Variants in DRC8 observed in about 807,000 individuals in gnomAD.
DRC8 encodes the protein dynein regulatory complex protein 8.
At chr1:244,970,426 A>G in the DRC8 span, 1 of 1,537,732 alleles carries the variant, frequency 6.5e-7, no homozygotes, top group Non-Finnish European at 8.7e-7. Flanking sequence ...AAGATGGCGG[A>G]CGAGAAGGAC....
chr1:245,063,965 C>A, the DRC8 span, among the ~76,000 whole-genome samples: 14 of 152,122 alleles, frequency 9.2e-5, no homozygotes, highest in African/African-American at 3.4e-4. Context: ...TCAGGTGATC[C>A]GCCCTCCTCG....
chr1:245,077,414 T>G, the DRC8 span, among the ~76,000 whole-genome samples: 5 of 152,214 alleles, frequency 3.3e-5, no homozygotes, highest in African/African-American at 1.2e-4. Context: ...ATGACAAGTG[T>G]ACCATAATAA....
At chr1:245,064,209 T>A in the DRC8 span, among the ~76,000 whole-genome samples, 1 of 152,156 alleles carries the variant, frequency 6.6e-6, no homozygotes, top group Non-Finnish European at 1.5e-5. Context: ...GCTTTCAGGA[T>A]TAGATCAAAG....
chr1:244,987,122 A>T, the DRC8 span, among the ~76,000 whole-genome samples: 1 of 152,062 alleles, frequency 6.6e-6, no homozygotes, highest in East Asian at 1.9e-4. Flanking sequence ...TTTATAGTAG[A>T]TGGTAGCTGA....
At chr1:244,977,274 A>C in the DRC8 span, among the ~76,000 whole-genome samples, 1 of 152,242 alleles carries the variant, frequency 6.6e-6, no homozygotes, top group South Asian at 2.1e-4. Flanking sequence ...TAATACAGTA[A>C]GTTTTACATT....
the DRC8 span, among the ~76,000 whole-genome samples, chr1:245,093,804 C>A: frequency 3.3e-5 from 5 of 152,032 alleles, no homozygotes; most frequent in Admixed American, 6.6e-5. Context: ...AAATAGCACA[C>A]TATGAAAATC....
the DRC8 span, among the ~76,000 whole-genome samples, chr1:244,980,040 TAAAAAAAAAAA>T: frequency 8.6e-4 from 30 of 34,756 alleles, 2 homozygotes; most frequent in African/African-American, 1.1e-3. Flanking sequence ...CCGTCTCTAC[TAAAAAAAAAAA>T]AAAAAAAAAA....
the DRC8 span, among the ~76,000 whole-genome samples, chr1:245,023,839 T>G: frequency 6.6e-6 from 1 of 152,128 alleles, no homozygotes; most frequent in Admixed American, 6.6e-5. Context: ...TGCACTCTGC[T>G]TTTTTTACTT....
chr1:245,112,787 T>C, the DRC8 span, among the ~76,000 whole-genome samples: 4 of 151,068 alleles, frequency 2.6e-5, no homozygotes, highest in Admixed American at 6.6e-5. Context: ...GGAGTCTCTC[T>C]CTGTCACCCA....
chr1:245,039,559 A>G, the DRC8 span, among the ~76,000 whole-genome samples: 1 of 152,140 alleles, frequency 6.6e-6, no homozygotes, highest in Admixed American at 6.5e-5. Flanking sequence ...CCAATAAATT[A>G]ACGTTGGTTC....
chr1:245,058,744 G>T, the DRC8 span, among the ~76,000 whole-genome samples: 2 of 152,210 alleles, frequency 1.3e-5, no homozygotes, highest in African/African-American at 2.4e-5. Context: ...TATGATGGGG[G>T]CAGGGAGAGG....
At chr1:245,107,636 G>C in the DRC8 span, among the ~76,000 whole-genome samples, 7 of 152,192 alleles carry the variant, frequency 4.6e-5, no homozygotes, top group Non-Finnish European at 1.0e-4. Flanking sequence ...TCCCAGGGCT[G>C]CTTGCATTTG....
chr1:244,970,387 G>C, the DRC8 span: 26 of 1,536,556 alleles, frequency 1.7e-5, no homozygotes, highest in Non-Finnish European at 2.3e-5. Flanking sequence ...GTTATCGTTA[G>C]GCATCTCCCA....
the DRC8 span, among the ~76,000 whole-genome samples, chr1:245,048,077 TGAGGAG>T: frequency 2.8e-4 from 43 of 150,900 alleles, no homozygotes; most frequent in Middle Eastern, 6.9e-3. Flanking sequence ...TGGAGGAGGC[TGAGGAG>T]GAGGAGGAGG....
chr1:245,092,481 C>T, the DRC8 span, among the ~76,000 whole-genome samples: 4 of 152,266 alleles, frequency 2.6e-5, no homozygotes, highest in South Asian at 2.1e-4. Context: ...CTTAAATAAA[C>T]GGAGAGCCTC....
At chr1:245,120,866 T>C in the DRC8 span, among the ~76,000 whole-genome samples, 111 of 152,372 alleles carry the variant, frequency 7.3e-4, no homozygotes, top group African/African-American at 2.6e-3. Flanking sequence ...CAATGTTAGG[T>C]TTGGCCCACT....
At chr1:245,070,956 C>T in the DRC8 span, among the ~76,000 whole-genome samples, 10 of 152,342 alleles carry the variant, frequency 6.6e-5, no homozygotes, top group African/African-American at 1.9e-4. Flanking sequence ...CAGTGCTCAT[C>T]CCCTCTGGGG....
chr1:245,096,296 G>C, the DRC8 span, among the ~76,000 whole-genome samples: 2 of 152,220 alleles, frequency 1.3e-5, no homozygotes, highest in Non-Finnish European at 2.9e-5. Flanking sequence ...CAACAAAATA[G>C]GAACTGGGGA....
chr1:245,013,542 G>T, the DRC8 span, among the ~76,000 whole-genome samples: 1 of 150,966 alleles, frequency 6.6e-6, no homozygotes, highest in East Asian at 1.9e-4. Flanking sequence ...ATAAAGAATT[G>T]ATTATTGATT....
Sources: allele counts gnomAD v4.1 joint callset (sites outside exome capture counted in the v4.1 genomes callset), GRCh38; gene constraint gnomAD v4.1.1; transcripts MANE v1.5; gene names NCBI Gene and HGNC (gene_info 2026-07-23, HGNC 2026-07-21).